Variants in BCAT1 observed in about 807,000 individuals in gnomAD.
The protein encoded by BCAT1 is branched chain amino acid transaminase 1, also known as branched-chain-amino-acid aminotransferase, cytosolic.
In BCAT1, 48 loss-of-function variants were observed where a neutral mutation model predicts 52.4. The ratio of observed to expected loss-of-function variants is 0.92; its 90% CI spans 0.73 to 1.16. The LOEUF is 1.16. Ranked by LOEUF, BCAT1 falls within the 50% of genes most tolerant of loss-of-function variation. The pLI is 0.00. For missense variants in BCAT1, 451 were observed against 457.1 expected (o/e 0.99, Z 0.12); for synonymous variants, 167 against 161.3 (o/e 1.04, Z -0.27).
intron 7 of BCAT1, among the ~76,000 whole-genome samples, 174 bp downstream of exon 7, chr12:24,841,904 AAAAG>A (rs1347124527): frequency 1.3e-5 from 2 of 152,328 alleles, no homozygotes; most frequent in East Asian, 1.9e-4. Flanking sequence ...ACCTCTTTAA[AAAAG>A]AAAGAAAGAA....
Position 24,835,183 on chromosome 12 carries a change from T to C in BCAT1, c.903+1328A>G, listed in dbSNP as rs114523355. On this transcript the variant is annotated intron_variant, in intron 8 of 10. Transcript: ENST00000261192. ...ACATATTTAGGACAGGGCAAGCTGT[T>C]TGAAAATTATACCAACGGTTTGTAA... 3.7e-3 allele frequency among the ~76,000 whole-genome samples: 567 copies of C among 152,338 alleles called. 1 individual carries two copies. The highest frequency in any genetic ancestry group is 0.013 in the African/African-American group (530 of 41,592).
At chr12:24,820,507 T>C (rs1000339544) in intron 10 of BCAT1, among the ~76,000 whole-genome samples, 5 of 152,118 alleles carry the variant, frequency 3.3e-5, no homozygotes, top group African/African-American at 1.2e-4. Context: ...TGGACTAGGA[T>C]GTCATTATAC....
intron 1 of BCAT1, among the ~76,000 whole-genome samples, chr12:24,909,954 C>T (rs1479350953): frequency 1.3e-5 from 2 of 152,156 alleles, no homozygotes; most frequent in Non-Finnish European, 2.9e-5. Flanking sequence ...CTTAAACATC[C>T]AGCCCAGTCA....
At chr12:24,900,044 TTG>T (rs765217185) in intron 2 of BCAT1, among the ~76,000 whole-genome samples, 1,698 of 141,572 alleles carry the variant, frequency 0.012, 34 homozygotes, top group African/African-American at 0.043. Flanking sequence ...TATATATATT[TTG>T]TTTGTTTGTT....
intron 1 of BCAT1, among the ~76,000 whole-genome samples, chr12:24,946,946 T>C (rs929672952): frequency 1.9e-4 from 29 of 152,290 alleles, no homozygotes; most frequent in African/African-American, 6.7e-4. Context: ...AGTTCTGAAA[T>C]CCAGTGAAAT....
intron 1 of BCAT1, among the ~76,000 whole-genome samples, chr12:24,922,632 G>A (rs1382089717): frequency 2.0e-5 from 3 of 152,082 alleles, no homozygotes; most frequent in Non-Finnish European, 4.4e-5. Flanking sequence ...CAGCACTTTG[G>A]GAGGCCGAGG....
rs1228672500 is a variant in BCAT1 at position 24,832,423 on chromosome 12, A to G, written c.1044+300T>C. On this transcript the variant is annotated intron_variant, in intron 9 of 10. Coordinates refer to ENST00000261192, the MANE Select transcript of BCAT1 (RefSeq NM_005504.7). ...ACAAAAACAACAACAAAAAAGACCT[A>G]GCATGGTGCGGTGGCGCACTCCTGT... Among the ~76,000 whole-genome samples the G allele has an allele frequency of 1.3e-5, 2 of 152,184 alleles. 1 individual carries two copies. Among genetic ancestry groups the G allele is most frequent in the African/African-American group, 4.8e-5 (2 of 41,446 alleles).
chr12:24,855,325 AG>A (rs1221854287), intron 5 of BCAT1, among the ~76,000 whole-genome samples: 1 of 150,342 alleles, frequency 6.7e-6, no homozygotes, highest in South Asian at 2.1e-4. Context: ...AAAAAAAGAA[AG>A]AAAAAAAAAA....
chr12:24,836,603 A>G lies in BCAT1; in HGVS notation c.818-7T>C. The G allele has an allele frequency of 6.2e-7, 1 of 1,606,134 alleles. No homozygotes were observed. Among genetic ancestry groups the G allele is most frequent in the South Asian group, 1.1e-5 (1 of 89,632 alleles). On this transcript the variant is annotated splice_polypyrimidine_tract_variant and splice_region_variant and intron_variant, in intron 7 of 10. Coordinates refer to ENST00000261192, the MANE Select transcript of BCAT1 (RefSeq NM_005504.7). ...GGAGTTGCCAGTTCTTCTTCTGTCAATCAGAAATTGGGACATTTTCAAACT... is the reference window on the plus strand; with the variant it reads ...GGAGTTGCCAGTTCTTCTTCTGTCAGTCAGAAATTGGGACATTTTCAAACT...
At chr12:24,862,309 A>G (rs1941867509) in intron 5 of BCAT1, among the ~76,000 whole-genome samples, 1 of 152,158 alleles carries the variant, frequency 6.6e-6, no homozygotes, top group Non-Finnish European at 1.5e-5. Flanking sequence ...TAACACTCCA[A>G]TTAAGCTTTC....
At chr12:24,904,107 G>A (rs966996053) in intron 1 of BCAT1, 2 of 152,224 alleles carry the variant, frequency 1.3e-5, no homozygotes, top group African/African-American at 2.4e-5. Flanking sequence ...GCTGGGGTGG[G>A]GTCCCAAGCT....
intron 1 of BCAT1, among the ~76,000 whole-genome samples, chr12:24,927,755 G>A (rs1943613664): frequency 1.3e-5 from 2 of 152,194 alleles, no homozygotes. Context: ...CAAAGGTGAG[G>A]CTGAAAACAG....
intron 1 of BCAT1, among the ~76,000 whole-genome samples, chr12:24,937,939 A>G (rs776339746): frequency 2.6e-5 from 4 of 152,218 alleles, no homozygotes; most frequent in Non-Finnish European, 5.9e-5. Context: ...GGATATGGCC[A>G]TAGGGGTAGC....
At chr12:24,887,080 A>AATATATATATATATAT (rs71063368) in intron 3 of BCAT1, among the ~76,000 whole-genome samples, 17 of 40,738 alleles carry the variant, frequency 4.2e-4, no homozygotes, top group Admixed American at 8.8e-4. Context: ...AAAAAAAAAA[A>AATATATATATATATAT]ATATATATAT....
At chr12:24,922,945 A>G (rs753804523) in intron 1 of BCAT1, among the ~76,000 whole-genome samples, 2 of 152,092 alleles carry the variant, frequency 1.3e-5, no homozygotes, top group Non-Finnish European at 2.9e-5. Flanking sequence ...GAAATCAGAC[A>G]TGTGCTTCCC....
At chr12:24,834,295 C>G (rs1296369229) in intron 8 of BCAT1, 2 of 985,196 alleles carry the variant, frequency 2.0e-6, no homozygotes, top group African/African-American at 3.5e-5. Flanking sequence ...TCTCTTCCTT[C>G]TCTTTCAGTA....
In BCAT1 at chr12:24,902,986, C is replaced by T. The variant is rs1231221087; in HGVS notation, c.7-1101G>A. On this transcript the variant is annotated intron_variant, in intron 1 of 10. Transcript: ENST00000261192. Reference sequence around the variant, plus strand: ...CCGCAGCGGAGCGAAGCGGGCTGGCCATGGGGAGGCTGCGGGGACGCGGGG... The same window carrying T: ...CCGCAGCGGAGCGAAGCGGGCTGGCTATGGGGAGGCTGCGGGGACGCGGGG... The T allele has an allele frequency of 4.1e-6, 6 of 1,473,600 alleles. No individual in the cohort carries two copies. The East Asian group carries it at 1.7e-4, about 41-fold the overall frequency. 91.3% of individuals were successfully genotyped at this position (1,473,600 alleles called of 1,614,324 possible). A position where few individuals can be genotyped will look rare whatever the true frequency, so the allele number is the denominator to read the frequency against.
chr12:24,868,778 C>G (rs1241431921), intron 5 of BCAT1, among the ~76,000 whole-genome samples: 1 of 152,024 alleles, frequency 6.6e-6, no homozygotes, highest in Non-Finnish European at 1.5e-5. Flanking sequence ...ATAAAGAAAA[C>G]TTTAACTACT....
intron 5 of BCAT1, among the ~76,000 whole-genome samples, chr12:24,851,575 G>T (rs1239794128): frequency 2.0e-5 from 3 of 152,192 alleles, no homozygotes; most frequent in Admixed American, 2.0e-4. Flanking sequence ...AAGGGCCTGG[G>T]TGGCCACAAC....
Sources: gnomAD v4.1 joint callset for allele counts (sites outside exome capture counted in the v4.1 genomes callset) on GRCh38, gnomAD v4.1.1 for gene constraint, MANE v1.5 for transcripts, NCBI Gene and HGNC (gene_info 2026-07-23, HGNC 2026-07-21) for gene names.